Variants in ATRNL1 observed in about 807,000 individuals in gnomAD.
ATRNL1 encodes attractin-like protein 1.
ATRNL1 carries 95 observed loss-of-function variants against 182.7 expected under a neutral mutation model. That is an observed-to-expected ratio of 0.52 (90% CI 0.44 to 0.62). The LOEUF is 0.62. Ranked by LOEUF, ATRNL1 falls within the 20% of genes least tolerant of loss-of-function variation. The pLI is 0.00. For missense variants in ATRNL1, 1,471 were observed against 1,679.5 expected, an observed-to-expected ratio of 0.88 and a Z score of 2.17; for synonymous variants, 576 against 568.3, an observed-to-expected ratio of 1.01 and a Z score of -0.19.
chr10:115,322,086 T>G (rs893854385), intron 18 of ATRNL1, among the ~76,000 whole-genome samples: 1 of 152,082 alleles, frequency 6.6e-6, no homozygotes, highest in Non-Finnish European at 1.5e-5. Flanking sequence ...ACTTTTAACA[T>G]ATACATTTTA....
chr10:115,096,124 T>G (rs180785793), intron 1 of ATRNL1, among the ~76,000 whole-genome samples: 184 of 152,316 alleles, frequency 1.2e-3, no homozygotes, highest in Admixed American at 2.2e-3. Context: ...ATATTTGATG[T>G]AGATATTGTT....
intron 19 of ATRNL1, among the ~76,000 whole-genome samples, chr10:115,368,651 C>T (rs1221050589): frequency 6.6e-6 from 1 of 152,144 alleles, no homozygotes; most frequent in African/African-American, 2.4e-5. Context: ...CATTTCCCAT[C>T]CCCTTTTCCA....
intron 26 of ATRNL1, among the ~76,000 whole-genome samples, chr10:115,613,623 G>A (rs1289073501): frequency 5.9e-5 from 9 of 152,136 alleles, no homozygotes; most frequent in Non-Finnish European, 1.2e-4. Context: ...TTTAAAAGTA[G>A]TTTAGAATTC....
At chr10:115,741,443 G>T (rs1037469093) in intron 27 of ATRNL1, among the ~76,000 whole-genome samples, 2 of 152,124 alleles carry the variant, frequency 1.3e-5, no homozygotes, top group African/African-American at 4.8e-5. Flanking sequence ...GCAGTGAGAA[G>T]GCCACATTCA....
intron 26 of ATRNL1, among the ~76,000 whole-genome samples, chr10:115,648,526 G>A (rs1859778681): frequency 6.6e-6 from 1 of 152,130 alleles, no homozygotes; most frequent in Non-Finnish European, 1.5e-5. Flanking sequence ...AACAAAGCTG[G>A]AGGCATCATG....
chr10:115,368,464 A>C (rs764332738), intron 19 of ATRNL1, among the ~76,000 whole-genome samples: 1 of 152,186 alleles, frequency 6.6e-6, no homozygotes, highest in African/African-American at 2.4e-5. Flanking sequence ...TCAGATGGAA[A>C]TGCAGAAATC....
intron 28 of ATRNL1, among the ~76,000 whole-genome samples, chr10:115,905,001 T>G (rs768428786): frequency 3.3e-5 from 5 of 152,198 alleles, no homozygotes; most frequent in Non-Finnish European, 7.3e-5. Context: ...ATGGATGTAG[T>G]CCCTTCAGTG....
intron 5 of ATRNL1, among the ~76,000 whole-genome samples, chr10:115,143,822 G>C (rs1238543020): frequency 6.6e-6 from 1 of 152,024 alleles, no homozygotes; most frequent in Non-Finnish European, 1.5e-5. Flanking sequence ...GTAAGGCACT[G>C]ATCTCACCAT....
At chr10:115,822,251 A>G (rs528249693) in intron 27 of ATRNL1, among the ~76,000 whole-genome samples, 1 of 152,240 alleles carries the variant, frequency 6.6e-6, no homozygotes, top group Admixed American at 6.5e-5. Flanking sequence ...AACACAACAC[A>G]CCAGAATCTC....
chr10:115,269,251 A>G (rs954705082), intron 13 of ATRNL1, among the ~76,000 whole-genome samples: 1 of 152,226 alleles, frequency 6.6e-6, no homozygotes, highest in Admixed American at 6.5e-5. Context: ...TAGCATCTAA[A>G]CATTCTATGT....
intron 1 of ATRNL1, among the ~76,000 whole-genome samples, chr10:115,097,752 C>T (rs1452975687): frequency 5.3e-5 from 8 of 152,026 alleles, no homozygotes; most frequent in Admixed American, 4.6e-4. Context: ...AGTGAAACCC[C>T]GTCTCTACTA....
intron 1 of ATRNL1, among the ~76,000 whole-genome samples, chr10:115,106,224 C>T (rs888212348): frequency 1.3e-5 from 2 of 152,156 alleles, no homozygotes; most frequent in African/African-American, 2.4e-5. Context: ...TGTTGGATTT[C>T]GGACTTGCAT....
At chr10:115,637,180 C>T (rs1176684631) in intron 26 of ATRNL1, among the ~76,000 whole-genome samples, 1 of 152,100 alleles carries the variant, frequency 6.6e-6, no homozygotes, top group African/African-American at 2.4e-5. Context: ...ACCATATCAC[C>T]GTGGACACAT....
At chr10:115,734,294 A>T (rs1555064566) in intron 27 of ATRNL1, among the ~76,000 whole-genome samples, 1 of 152,166 alleles carries the variant, frequency 6.6e-6, no homozygotes, top group Non-Finnish European at 1.5e-5. Context: ...TTAGCAAAGT[A>T]TGAGAATTTC....
At chr10:115,653,020 G>T (rs911783434) in intron 26 of ATRNL1, among the ~76,000 whole-genome samples, 7 of 151,962 alleles carry the variant, frequency 4.6e-5, no homozygotes, top group African/African-American at 1.7e-4. Flanking sequence ...ATTTGTCATT[G>T]CGTAAAATAA....
intron 26 of ATRNL1, among the ~76,000 whole-genome samples, chr10:115,575,775 C>T (rs1416449350): frequency 6.6e-5 from 10 of 151,994 alleles, no homozygotes; most frequent in Admixed American, 2.0e-4. Flanking sequence ...AATCTACTCT[C>T]TTAGCAAATT....
At chr10:115,248,400 TTAAAA>T (rs1343926621) in intron 10 of ATRNL1, among the ~76,000 whole-genome samples, 2 of 152,108 alleles carry the variant, frequency 1.3e-5, no homozygotes, top group Admixed American at 6.5e-5. Flanking sequence ...AATAAAAATT[TTAAAA>T]TAAAATATTA....
At chr10:115,687,973 A>G (rs182322071) in intron 26 of ATRNL1, among the ~76,000 whole-genome samples, 23 of 152,134 alleles carry the variant, frequency 1.5e-4, no homozygotes, top group Admixed American at 5.2e-4. Context: ...CCCGCTCCCC[A>G]CTGCAACCCT....
chr10:115,163,927 A>G (rs917154815), intron 6 of ATRNL1, among the ~76,000 whole-genome samples: 7 of 152,326 alleles, frequency 4.6e-5, no homozygotes, highest in Admixed American at 3.3e-4. Context: ...CAAGGTAGGA[A>G]ATAAGTTAAA....
Sources: allele counts gnomAD v4.1 joint callset (sites outside exome capture counted in the v4.1 genomes callset), GRCh38; gene constraint gnomAD v4.1.1; transcripts MANE v1.5; gene names NCBI Gene and HGNC (gene_info 2026-07-23, HGNC 2026-07-21).